The following COL4A5 variants were observed in gnomAD, a reference collection of about 807,000 sequenced individuals.
COL4A5 encodes the protein collagen type IV alpha 5 chain.
COL4A5 carries 26 observed loss-of-function variants against 130.2 expected under a neutral mutation model. That is an observed-to-expected ratio of 0.20 (90% CI 0.15 to 0.28). COL4A5 has a LOEUF of 0.28. Among genes scored for constraint, COL4A5 ranks in the 10% least tolerant of loss-of-function variants. COL4A5 has a pLI of 1.00. For synonymous variants in COL4A5, 496 were observed against 439.6 expected, an observed-to-expected ratio of 1.13 and a Z score of -1.60; for missense variants, 1,131 against 1,344.3, an observed-to-expected ratio of 0.84 and a Z score of 2.48.
chrX:108,604,150 C>A lies in COL4A5; in HGVS notation c.2244+1089C>A, dbSNP rs112927625. ...ATGTTTTGACCTCTTCTAATGAATCCTGAATTTTCTTCATGACATCTAGAA... is the reference window on the plus strand; with the variant it reads ...ATGTTTTGACCTCTTCTAATGAATCATGAATTTTCTTCATGACATCTAGAA... On this transcript the variant is annotated intron_variant, in intron 28 of 52. Transcript: ENST00000328300. 6.0e-3 allele frequency among the ~76,000 whole-genome samples: 678 copies of A among 112,221 alleles called. 2 individuals carry two copies. Among genetic ancestry groups the A allele is most frequent in the East Asian group, 0.035 (126 of 3,561 alleles).
intron 30 of COL4A5, among the ~76,000 whole-genome samples, chrX:108,618,561 G>A (rs2066977647): frequency 9.0e-6 from 1 of 111,192 alleles, no homozygotes; most frequent in Non-Finnish European, 1.9e-5. Context: ...GTCATTATTG[G>A]CAAATACATT....
At chrX:108,673,780 G>A (rs1331812791) in intron 42 of COL4A5, among the ~76,000 whole-genome samples, 3 of 108,621 alleles carry the variant, frequency 2.8e-5, no homozygotes, top group African/African-American at 1.0e-4. Flanking sequence ...GGTGGCTCAC[G>A]CCTGTAATCC....
chrX:108,519,392 A>G (rs1230605268), intron 1 of COL4A5, among the ~76,000 whole-genome samples: 5 of 111,309 alleles, frequency 4.5e-5, no homozygotes, highest in African/African-American at 1.6e-4. Context: ...GGTAGTACTG[A>G]AAAACATCTG....
chrX:108,465,420 C>T lies in COL4A5; in HGVS notation c.81+25214C>T, dbSNP rs539712235. Reference sequence around the variant, plus strand: ...TGATGCATATTCTCAAATCTTTGCCCATTTTTTTCAAAAGTTGGATTACTT... The same window carrying T: ...TGATGCATATTCTCAAATCTTTGCCTATTTTTTTCAAAAGTTGGATTACTT... On this transcript the variant is annotated intron_variant, in intron 1 of 52. Transcript: ENST00000328300. 3.6e-5 allele frequency among the ~76,000 whole-genome samples: 4 copies of T among 111,262 alleles called. No homozygotes were observed. In the South Asian group the frequency reaches 1.1e-3, roughly 32 times the overall value.
At chrX:108,448,008 A>G (rs947457542) in intron 1 of COL4A5, among the ~76,000 whole-genome samples, 2 of 111,767 alleles carry the variant, frequency 1.8e-5, no homozygotes, top group East Asian at 2.8e-4. Context: ...ATTTTATGCA[A>G]CTTGAACTTA....
intron 1 of COL4A5, among the ~76,000 whole-genome samples, chrX:108,516,746 A>G (rs924509755): frequency 1.8e-5 from 2 of 111,790 alleles, no homozygotes; most frequent in Non-Finnish European, 3.8e-5. Flanking sequence ...TTAAAATCTG[A>G]TGATTTTATT....
At chrX:108,528,009 CCA>C (rs1167860187) in intron 1 of COL4A5, among the ~76,000 whole-genome samples, 1 of 112,049 alleles carries the variant, frequency 8.9e-6, no homozygotes, top group East Asian at 2.8e-4. Context: ...ACCTGCTCAC[CCA>C]CCTGGTCCAC....
At chrX:108,575,427 AC>A (rs2066129508) in intron 9 of COL4A5, among the ~76,000 whole-genome samples, 8 of 112,421 alleles carry the variant, frequency 7.1e-5, no homozygotes, top group African/African-American at 2.6e-4. Context: ...TCTTATAATT[AC>A]TTAATCCTTT....
Position 108,595,596 on chromosome X carries a change from C to T in COL4A5, c.1511C>T (p.Pro504Leu), listed in dbSNP as rs1001498368. ...CCTGGTTTGCCAGGTCTCCCAGGTCCTCCAGGTAAATTATGCCTCAGGGTA... is the reference window on the plus strand; with the variant it reads ...CCTGGTTTGCCAGGTCTCCCAGGTCTTCCAGGTAAATTATGCCTCAGGGTA... ...GQPGLPGLPG[P>L]PGSLGFPGQK... is the part of the protein sequence containing the mutation. The change falls in exon 22 of 53, where the codon CCT becomes CTT. Residue 504 changes from proline (P) to leucine (L), a missense_variant. By Grantham distance (98) the Pro-to-Leu change is moderately conservative (BLOSUM62 -3). Transcript: ENST00000328300. 7.5e-6 allele frequency: 9 copies of T among 1,207,759 alleles called. No homozygotes were observed. The African/African-American group carries it at 1.0e-4, about 14-fold the overall frequency.
intron 33 of COL4A5, 92 bp downstream of exon 33, chrX:108,622,917 TCACC>T (rs1211852837): frequency 1.1e-6 from 1 of 902,614 alleles, no homozygotes; most frequent in Non-Finnish European, 1.5e-6. Context: ...AATACAGAAT[TCACC>T]AACAAAGGCA....
chrX:108,582,152 T>C (rs929467902), intron 16 of COL4A5, among the ~76,000 whole-genome samples: 8 of 111,524 alleles, frequency 7.2e-5, no homozygotes, highest in Non-Finnish European at 1.5e-4. Flanking sequence ...GATATTTTAC[T>C]AAACAGGCAA....
intron 36 of COL4A5, among the ~76,000 whole-genome samples, chrX:108,629,079 T>C (rs1037567590): frequency 8.9e-6 from 1 of 111,889 alleles, no homozygotes; most frequent in Non-Finnish European, 1.9e-5. Flanking sequence ...CACACTGCAG[T>C]AAGAGAGTAA....
At chrX:108,502,764 C>T (rs1390563496) in intron 1 of COL4A5, among the ~76,000 whole-genome samples, 1 of 111,758 alleles carries the variant, frequency 8.9e-6, no homozygotes, top group Non-Finnish European at 1.9e-5. Flanking sequence ...ATGCTACCCA[C>T]CCCAAAAGCT....
At chrX:108,467,318 A>G (rs771496098) in intron 1 of COL4A5, among the ~76,000 whole-genome samples, 1 of 111,927 alleles carries the variant, frequency 8.9e-6, no homozygotes, top group East Asian at 2.8e-4. Flanking sequence ...CCATTGATGT[A>G]TGGGCTTATT....
At chrX:108,609,283 C>T (rs892641113) in intron 29 of COL4A5, among the ~76,000 whole-genome samples, 2 of 111,680 alleles carry the variant, frequency 1.8e-5, no homozygotes, top group Non-Finnish European at 3.8e-5. Context: ...TCCACATTTT[C>T]TCAAAGTTTG....
rs189209060 is a variant in COL4A5 at position 108,624,687 on chromosome X, G to T, written c.3016+353G>T. Among the ~76,000 whole-genome samples, 201 of 111,660 alleles carry T rather than the reference G, an allele frequency of 1.8e-3. 1 individual carries two copies. Among genetic ancestry groups the T allele is most frequent in the Non-Finnish European group, 2.2e-3 (119 of 53,118 alleles). On this transcript the variant is annotated intron_variant, in intron 34 of 52. Coordinates refer to ENST00000328300, the MANE Select transcript of COL4A5 (RefSeq NM_033380.3). ...CATGAAGGCCTGAAGAATTCATCTT[G>T]TCCTGCTTTTTTTTCTTTCTGCCTT...
chrX:108,551,713 T>C (rs2065755368), intron 2 of COL4A5, among the ~76,000 whole-genome samples: 1 of 111,499 alleles, frequency 9.0e-6, no homozygotes, highest in South Asian at 3.8e-4. Flanking sequence ...CAGTACTAGG[T>C]GTATACGCAA....
At chrX:108,580,865 C>G in intron 15 of COL4A5, 118 bp from the exon 16 acceptor site, 2 of 964,830 alleles carry the variant, frequency 2.1e-6, no homozygotes, top group Non-Finnish European at 3.0e-6. Flanking sequence ...ATGTTGATGT[C>G]TAAAAAGTCT....
rs760570519 is a variant in COL4A5 at position 108,440,165 on chromosome X, T to C, written c.40T>C (p.Leu14=). The change falls in exon 1 of 53, where the codon TTA becomes CTA. Residue 14 remains leucine (L), a synonymous_variant. Transcript: ENST00000328300. ...RGVSLAAGLF[L]LALSLWGQPA... Reference sequence around the variant, plus strand: ...AGTCAGCCTGGCTGCCGGCTTGTTCTTACTGGCCCTGAGTCTTTGGGGGCA... The same window carrying C: ...AGTCAGCCTGGCTGCCGGCTTGTTCCTACTGGCCCTGAGTCTTTGGGGGCA... 1 of 1,208,925 alleles carries C rather than the reference T, an allele frequency of 8.3e-7. No individual in the cohort carries two copies. The highest frequency in any genetic ancestry group is 1.1e-6 in the Non-Finnish European group (1 of 894,242).
Sources: gnomAD v4.1 joint callset for allele counts (sites outside exome capture counted in the v4.1 genomes callset) on GRCh38, gnomAD v4.1.1 for gene constraint, MANE v1.5 for transcripts, NCBI Gene and HGNC (gene_info 2026-07-23, HGNC 2026-07-21) for gene names.